The following SNX29 variants were observed in gnomAD, a reference collection of about 807,000 sequenced individuals.
SNX29 encodes sorting nexin-29.
SNX29 carries 78 observed loss-of-function variants against 102.1 expected under a neutral mutation model. The observed-to-expected ratio is 0.76, with a 90% confidence interval of 0.64 to 0.92. SNX29 has a LOEUF of 0.92. SNX29 is among the 40% of genes least tolerant of loss of function. The pLI is 0.00. For synonymous variants in SNX29, 580 were observed against 414.5 expected (o/e 1.40, Z -4.85); for missense variants, 1,280 against 1,061.7 (o/e 1.21, Z -2.86).
rs8054828 is a variant in SNX29, at chr16:12,398,147, C to T, written c.1900-299C>T. Among the ~76,000 whole-genome samples, 1,035 of 152,242 alleles carry T rather than the reference C, an allele frequency of 6.8e-3. 15 individuals carry two copies. Among genetic ancestry groups the T allele is most frequent in the African/African-American group, 0.023 (971 of 41,532 alleles). On this transcript the variant is annotated intron_variant, in intron 16 of 20. Coordinates refer to ENST00000566228, the MANE Select transcript of SNX29 (RefSeq NM_032167.5). ...ACTTGCATCTCAGATCCTAATTAGG[C>T]CTTTATCGCTCCAAAATTACATGCT... is the stretch of plus-strand genomic sequence containing the variant.
chr16:12,383,844 C>T (rs2083262408), intron 16 of SNX29, among the ~76,000 whole-genome samples: 1 of 150,482 alleles, frequency 6.6e-6, no homozygotes. Context: ...ACCCATTAGC[C>T]ATCCCTTCCT....
At chr16:12,105,477 C>T (rs780366153) in intron 11 of SNX29, among the ~76,000 whole-genome samples, 1 of 152,054 alleles carries the variant, frequency 6.6e-6, no homozygotes, top group African/African-American at 2.4e-5. Flanking sequence ...CTATTTCAGC[C>T]TCCCAAAGTG....
At chr16:12,330,331 G>A (rs2081257800) in intron 15 of SNX29, among the ~76,000 whole-genome samples, 1 of 152,110 alleles carries the variant, frequency 6.6e-6, no homozygotes, top group Non-Finnish European at 1.5e-5. Context: ...GCCAAGCATG[G>A]TGGCGGACGC....
At chr16:12,470,091 GT>G (rs1303276211) in intron 18 of SNX29, among the ~76,000 whole-genome samples, 1 of 152,258 alleles carries the variant, frequency 6.6e-6, no homozygotes, top group Non-Finnish European at 1.5e-5. Context: ...CACCTGACAG[GT>G]GCTGTGAAAT....
intron 1 of SNX29, among the ~76,000 whole-genome samples, chr16:11,989,425 T>C (rs2055757355): frequency 6.6e-6 from 1 of 152,206 alleles, no homozygotes; most frequent in Non-Finnish European, 1.5e-5. Flanking sequence ...TCTGTCCTTT[T>C]GTCCTGGGCC....
At chr16:12,567,502 TGGCC>T (rs2079060575) in intron 20 of SNX29, among the ~76,000 whole-genome samples, 2 of 152,192 alleles carry the variant, frequency 1.3e-5, no homozygotes, top group Admixed American at 1.3e-4. Flanking sequence ...GATTAAGGAT[TGGCC>T]AGGCACAGTG....
chr16:12,199,818 C>T, intron 14 of SNX29, 135 bp downstream of exon 14: 3 of 714,394 alleles, frequency 4.2e-6, no homozygotes, highest in Non-Finnish European at 7.0e-6. Flanking sequence ...GCTCAGCGTT[C>T]CAGAAAATTA....
intron 1 of SNX29, among the ~76,000 whole-genome samples, chr16:11,989,314 A>G (rs762322922): frequency 2.0e-5 from 3 of 151,730 alleles, no homozygotes; most frequent in South Asian, 2.1e-4. Flanking sequence ...TTGCTCATTT[A>G]TTTTGTCTTT....
intron 20 of SNX29, among the ~76,000 whole-genome samples, chr16:12,540,518 C>G (rs182370629): frequency 1.3e-5 from 2 of 152,210 alleles, no homozygotes; most frequent in Non-Finnish European, 2.9e-5. Context: ...GGTTGTGGGG[C>G]AGAATTTGTT....
intron 4 of SNX29, among the ~76,000 whole-genome samples, chr16:12,035,832 T>C (rs1401733564): frequency 6.6e-6 from 1 of 152,192 alleles, no homozygotes; most frequent in Non-Finnish European, 1.5e-5. Flanking sequence ...CTCTGCTCCC[T>C]TGTGATTTTC....
intron 19 of SNX29, 112 bp from the exon 20 acceptor site, chr16:12,524,590 A>T: frequency 3.2e-6 from 4 of 1,258,558 alleles, no homozygotes; most frequent in Non-Finnish European, 4.3e-6. Context: ...ATAGTTGCTC[A>T]ATCAGTGTTG....
At chr16:12,307,775 A>C (rs972310160) in intron 15 of SNX29, among the ~76,000 whole-genome samples, 5 of 152,228 alleles carry the variant, frequency 3.3e-5, no homozygotes, top group African/African-American at 4.8e-5. Flanking sequence ...GGTAGGCACC[A>C]ATGTAGCCAT....
chr16:12,086,321 A>G (rs28439695), intron 11 of SNX29, among the ~76,000 whole-genome samples: 45,634 of 152,050 alleles, frequency 0.3, 6,989 homozygotes, highest in South Asian at 0.39. Context: ...TGCCAATTCT[A>G]CATTACCTAA....
In SNX29 at chr16:12,355,963, G is replaced by A. The variant is rs78574176; in HGVS notation, c.1783-200G>A. On this transcript the variant is annotated intron_variant, in intron 15 of 20. Coordinates refer to ENST00000566228, the MANE Select transcript of SNX29 (RefSeq NM_032167.5). Reference sequence around the variant, plus strand: ...AACTTCATACTGTTGACTCTGAAGTGTCGGTATGAAGCAGGTCAAGACACA... The same window carrying A: ...AACTTCATACTGTTGACTCTGAAGTATCGGTATGAAGCAGGTCAAGACACA... Among the ~76,000 whole-genome samples, 86 of 151,182 alleles carry A rather than the reference G, an allele frequency of 5.7e-4. No individual in the cohort carries two copies. The East Asian group carries it at 8.4e-3, about 15-fold the overall frequency.
At chr16:12,134,521 C>T (rs776665779) in intron 13 of SNX29, among the ~76,000 whole-genome samples, 28 of 152,160 alleles carry the variant, frequency 1.8e-4, no homozygotes, top group African/African-American at 3.9e-4. Flanking sequence ...TGGGCCTCTC[C>T]GTGGGGCTGC....
At chr16:12,502,123 C>T (rs966895031) in intron 19 of SNX29, among the ~76,000 whole-genome samples, 1 of 152,166 alleles carries the variant, frequency 6.6e-6, no homozygotes, top group East Asian at 1.9e-4. Flanking sequence ...CAACATGCTC[C>T]GTCCAGATGT....
chr16:12,387,830 G>C (rs2083390018), intron 16 of SNX29, among the ~76,000 whole-genome samples: 1 of 152,122 alleles, frequency 6.6e-6, no homozygotes, highest in South Asian at 2.1e-4. Context: ...CTACTTCCAT[G>C]CCTCCATGCC....
Position 12,424,247 on chromosome 16 carries a change from G to T in SNX29, c.2037+20718G>T, listed in dbSNP as rs577078686. 1.6e-4 allele frequency among the ~76,000 whole-genome samples: 24 copies of T among 152,344 alleles called. No homozygotes were observed. The South Asian group carries it at 5.0e-3, about 32-fold the overall frequency. ...CCCTTCAAGAGCAGAGTGTGGGTCT[G>T]TCTAGGGTGTGGCCATTGCCCAAGG... On this transcript the variant is annotated intron_variant, in intron 18 of 20. Transcript: ENST00000566228.
chr16:12,343,660 T>C (rs1194707157), intron 15 of SNX29, among the ~76,000 whole-genome samples: 1 of 151,756 alleles, frequency 6.6e-6, no homozygotes, highest in African/African-American at 2.4e-5. Flanking sequence ...CTGGCCACTT[T>C]GTCTGAGAAC....
Sources: allele counts gnomAD v4.1 joint callset (sites outside exome capture counted in the v4.1 genomes callset), GRCh38; gene constraint gnomAD v4.1.1; transcripts MANE v1.5; gene names NCBI Gene and HGNC (gene_info 2026-07-23, HGNC 2026-07-21).